Variants in KCNQ1 observed in about 807,000 individuals in gnomAD.
The protein encoded by KCNQ1 is potassium voltage-gated channel subfamily Q member 1, also known as potassium voltage-gated channel subfamily KQT member 1.
Under a neutral mutation model 72.4 loss-of-function variants are expected in KCNQ1, and 49 were observed. That is an observed-to-expected ratio of 0.68 (90% CI 0.54 to 0.86). The LOEUF is 0.86. KCNQ1 is among the 40% of genes least tolerant of loss of function. The probability of loss-of-function intolerance (pLI) is 0.00; values close to 1 mark genes in which losing one functional copy is unlikely to be tolerated. For missense variants in KCNQ1, 790 were observed against 945.1 expected (o/e 0.84, Z 2.15); for synonymous variants, 450 against 412.6 (o/e 1.09, Z -1.10).
rs546420745 is a variant in KCNQ1 at position 2,626,519 on chromosome 11, C to T, written c.1394-35442C>T. ...CACATAGTTTTGATTACTGTAGCTTCGTAATAAGTTGGGGTTTTTGTTTGT... is the reference window on the plus strand; with the variant it reads ...CACATAGTTTTGATTACTGTAGCTTTGTAATAAGTTGGGGTTTTTGTTTGT... On this transcript the variant is annotated intron_variant, in intron 10 of 15. Coordinates refer to ENST00000155840, the MANE Select transcript of KCNQ1 (RefSeq NM_000218.3). The surrounding 1 kb of genome is among the most constrained non-coding windows in gnomAD (Gnocchi z 4.0). 1.3e-5 allele frequency: 5 copies of T among 398,504 alleles called. No homozygotes were observed. Among genetic ancestry groups the T allele is most frequent in the Admixed American group, 4.4e-5 (1 of 22,722 alleles). 24.7% of individuals were successfully genotyped at this position (398,504 alleles called of 1,614,324 possible). A position where few individuals can be genotyped will look rare whatever the true frequency, so the allele number is the denominator to read the frequency against.
intron 3 of KCNQ1, 60 bp from the exon 4 acceptor site, chr11:2,571,265 C>G: frequency 7.1e-7 from 1 of 1,404,998 alleles, no homozygotes; most frequent in Non-Finnish European, 1.0e-6. Flanking sequence ...GGTGTATGCT[C>G]TTCCCTGGGG....
chr11:2,668,700 ACT>A lies in KCNQ1; in HGVS notation c.1514+6625_1514+6626del, dbSNP rs1212617926. On this transcript the variant is annotated intron_variant, in intron 11 of 15. Coordinates refer to ENST00000155840, the MANE Select transcript of KCNQ1 (RefSeq NM_000218.3). This position sits in a 1 kb window ranked among gnomAD's most constrained non-coding sequence, Gnocchi z 4.3. ...CAGAGAGAGAGATACACACACTCAC[ACT>A]CTCTCACAGACACACACATTGCAAA... 13 of 398,368 alleles carry A rather than the reference ACT, an allele frequency of 3.3e-5. No homozygotes were observed. Among genetic ancestry groups the A allele is most frequent in the African/African-American group, 2.1e-4 (10 of 48,662 alleles). 24.7% of individuals were successfully genotyped at this position (398,368 alleles called of 1,614,324 possible). A position where few individuals can be genotyped will look rare whatever the true frequency, so the allele number is the denominator to read the frequency against.
intron 2 of KCNQ1, among the ~76,000 whole-genome samples, chr11:2,569,794 G>T (rs549650855): frequency 6.6e-6 from 1 of 152,358 alleles, no homozygotes; most frequent in African/African-American, 2.4e-5. Context: ...AGCCCACTGA[G>T]CCTGGCCCTG....
At position 2,620,246 on chromosome 11, in the gene KCNQ1, C is replaced by T. The variant is rs1052742458; in HGVS notation, c.1393+31392C>T. The T allele has an allele frequency of 5.6e-5, 13 of 232,456 alleles. No individual in the cohort carries two copies. The highest frequency in any genetic ancestry group is 1.0e-4 in the Non-Finnish European group (13 of 126,272). The allele number at this position is 232,456 out of a possible 1,614,324, so 14.4% of individuals were successfully genotyped here. A position where few individuals can be genotyped will look rare whatever the true frequency, so the allele number is the denominator to read the frequency against. On this transcript the variant is annotated intron_variant, in intron 10 of 15. Coordinates refer to ENST00000155840, the MANE Select transcript of KCNQ1 (RefSeq NM_000218.3). The surrounding 1 kb of genome is among the most constrained non-coding windows in gnomAD (Gnocchi z 4.5). The stretch of plus-strand genomic sequence containing the variant: ...TTTATTTTTTTTTTAGACGGAGTTT[C>T]GCTCTTGTTGCCCAGGCTGGAGGGC...
Position 2,766,938 on chromosome 11 carries a change from G to C in KCNQ1, c.1515-1906G>C, listed in dbSNP as rs1410319090. 6.6e-6 allele frequency among the ~76,000 whole-genome samples: 1 copy of C among 152,112 alleles called. No individual in the cohort carries two copies. The highest frequency in any genetic ancestry group is 6.5e-5 in the Admixed American group (1 of 15,280). ...TCATGCCTGTAATCCCAGCACTTTT[G>C]GAGGCCAAGGCGGACAGATCATGAG... On this transcript the variant is annotated intron_variant, in intron 11 of 15. Coordinates refer to ENST00000155840, the MANE Select transcript of KCNQ1 (RefSeq NM_000218.3). This position sits in a 1 kb window ranked among gnomAD's most constrained non-coding sequence, Gnocchi z 4.4.
intron 10 of KCNQ1, chr11:2,619,328 C>T (rs895506433): frequency 1.8e-4 from 70 of 398,224 alleles, no homozygotes; most frequent in African/African-American, 7.6e-4. Context: ...AAATGGCATT[C>T]GTTATATTGA....
intron 15 of KCNQ1, among the ~76,000 whole-genome samples, chr11:2,807,046 GCT>G (rs1252648762): frequency 1.3e-5 from 2 of 152,230 alleles, no homozygotes; most frequent in African/African-American, 4.8e-5. Flanking sequence ...GGGAGTCTCG[GCT>G]CTTTCGGAAG....
At position 2,755,829 on chromosome 11, in the gene KCNQ1, A is replaced by G. The variant is rs538257330; in HGVS notation, c.1515-13015A>G. Among the ~76,000 whole-genome samples the G allele has an allele frequency of 8.5e-5, 13 of 152,376 alleles. 1 individual carries two copies. In the South Asian group the frequency reaches 2.7e-3, roughly 32 times the overall value. ...ATAATGTATTTATATATGTGTGTGT[A>G]TAACCAATAAAATCACTAATAGAAA... On this transcript the variant is annotated intron_variant, in intron 11 of 15. Coordinates refer to ENST00000155840, the MANE Select transcript of KCNQ1 (RefSeq NM_000218.3).
rs1848797805 is a variant in KCNQ1, at chr11:2,600,967, G to A, written c.1393+12113G>A. Among the ~76,000 whole-genome samples, 1 of 151,784 alleles carries A rather than the reference G, an allele frequency of 6.6e-6. No individual in the cohort carries two copies. Among genetic ancestry groups the A allele is most frequent in the Non-Finnish European group, 1.5e-5 (1 of 68,006 alleles). On this transcript the variant is annotated intron_variant, in intron 10 of 15. Transcript: ENST00000155840. This position sits in a 1 kb window ranked among gnomAD's most constrained non-coding sequence, Gnocchi z 5.6. ...TGCCCCTTATTAACGATGTTATTTT[G>A]ATCACCAAATTGAGGCCGTTATCCA...
At position 2,579,714 on chromosome 11, in the gene KCNQ1, G is replaced by A. The variant is rs1848471481; in HGVS notation, c.922-3721G>A. On this transcript the variant is annotated intron_variant, in intron 6 of 15. Transcript: ENST00000155840. This position sits in a 1 kb window ranked among gnomAD's most constrained non-coding sequence, Gnocchi z 6.0. ...CTCCACGGTGGGCAGACACCCAGGG[G>A]CACTTCTGGGGCTGGCCTTTCTCTC... Among the ~76,000 whole-genome samples, 1 of 152,028 alleles carries A rather than the reference G, an allele frequency of 6.6e-6. No homozygotes were observed. Among genetic ancestry groups the A allele is most frequent in the Non-Finnish European group, 1.5e-5 (1 of 67,978 alleles).
In KCNQ1 at chr11:2,678,795, G is replaced by T. The variant is rs1051876137; in HGVS notation, c.1514+16714G>T. 14 of 398,496 alleles carry T rather than the reference G, an allele frequency of 3.5e-5. No homozygotes were observed. The highest frequency in any genetic ancestry group is 6.2e-5 in the Non-Finnish European group (14 of 226,082). The allele number at this position is 398,496 out of a possible 1,614,324, so 24.7% of individuals were successfully genotyped here. A position where few individuals can be genotyped will look rare whatever the true frequency, so the allele number is the denominator to read the frequency against. ...CATCGTGGCAGCTAATAATGTCAGG[G>T]AGCATGAGCACTTGTTTCTTCCAAG... On this transcript the variant is annotated intron_variant, in intron 11 of 15. Coordinates refer to ENST00000155840, the MANE Select transcript of KCNQ1 (RefSeq NM_000218.3). The surrounding 1 kb of genome is among the most constrained non-coding windows in gnomAD (Gnocchi z 4.9).
intron 10 of KCNQ1, chr11:2,638,560 GTTTCCCTTTGTGGGTAACC>G (rs1849517729): frequency 6.6e-6 from 1 of 152,168 alleles, no homozygotes; most frequent in South Asian, 2.1e-4. Context: ...AGTCTGATGG[GTTTCCCTTTGTGGGTAACC>G]CAACCTTTCT....
chr11:2,769,033 GC>G lies in KCNQ1; in HGVS notation c.1590+119del. ...CATAGTGGAGGGTGTCAAGGCCTCC[GC>G]CCCCAAGCCACACAGGCAGGCCTAT... On this transcript the variant is annotated intron_variant, in intron 12 of 15. Transcript: ENST00000155840. The surrounding 1 kb of genome is among the most constrained non-coding windows in gnomAD (Gnocchi z 4.6). 1 of 883,796 alleles carries G rather than the reference GC, an allele frequency of 1.1e-6. No homozygotes were observed. The allele number at this position is 883,796 out of a possible 1,614,324, so 54.7% of individuals were successfully genotyped here. A position where few individuals can be genotyped will look rare whatever the true frequency, so the allele number is the denominator to read the frequency against.
At chr11:2,504,788 T>C (rs989181247) in intron 1 of KCNQ1, among the ~76,000 whole-genome samples, 2 of 152,138 alleles carry the variant, frequency 1.3e-5, no homozygotes, top group African/African-American at 4.8e-5. Context: ...ATAATGAGGT[T>C]GTTTGTAAGA....
Position 2,683,906 on chromosome 11 carries a change from G to C in KCNQ1, c.1514+21825G>C, listed in dbSNP as rs117916938. The C allele has an allele frequency of 2.5e-6, 1 of 396,916 alleles. No individual in the cohort carries two copies. Among genetic ancestry groups the C allele is most frequent in the Non-Finnish European group, 4.4e-6 (1 of 225,926 alleles). The allele number at this position is 396,916 out of a possible 1,614,324, so 24.6% of individuals were successfully genotyped here. A position where few individuals can be genotyped will look rare whatever the true frequency, so the allele number is the denominator to read the frequency against. The stretch of plus-strand genomic sequence containing the variant: ...TCATAAATGCAAAAGATGGCCAAAG[G>C]TGCATGCTCTGTGACACGTTTCATA... On this transcript the variant is annotated intron_variant, in intron 11 of 15. Coordinates refer to ENST00000155840, the MANE Select transcript of KCNQ1 (RefSeq NM_000218.3). The surrounding 1 kb of genome is among the most constrained non-coding windows in gnomAD (Gnocchi z 4.7).
At chr11:2,706,089 G>A (rs1161264765) in intron 11 of KCNQ1, among the ~76,000 whole-genome samples, 2 of 152,232 alleles carry the variant, frequency 1.3e-5, no homozygotes, top group African/African-American at 4.8e-5. Flanking sequence ...GGTACCGTGT[G>A]GCTGTGGTGG....
intron 10 of KCNQ1, among the ~76,000 whole-genome samples, chr11:2,607,720 T>C (rs887302404): frequency 2.0e-5 from 3 of 152,366 alleles, no homozygotes; most frequent in Middle Eastern, 3.4e-3. Flanking sequence ...GAAATCGTGG[T>C]GTTTTGTCTT....
At position 2,750,080 on chromosome 11, in the gene KCNQ1, C is replaced by A. The variant is rs1220753069; in HGVS notation, c.1515-18764C>A. Among the ~76,000 whole-genome samples the A allele has an allele frequency of 6.6e-6, 1 of 152,110 alleles. No individual in the cohort carries two copies. The highest frequency in any genetic ancestry group is 2.4e-5 in the African/African-American group (1 of 41,402). ...ACAGCCAAGAGGCCAGGAAGCGGAG[C>A]CTGGGTGCAGGGGCATCTTGCTGGT... On this transcript the variant is annotated intron_variant, in intron 11 of 15. Coordinates refer to ENST00000155840, the MANE Select transcript of KCNQ1 (RefSeq NM_000218.3). This position sits in a 1 kb window ranked among gnomAD's most constrained non-coding sequence, Gnocchi z 6.3.
chr11:2,471,400 G>A lies in KCNQ1; in HGVS notation c.386+25916G>A, dbSNP rs1302703942. 6.6e-6 allele frequency among the ~76,000 whole-genome samples: 1 copy of A among 152,110 alleles called. No homozygotes were observed. Among genetic ancestry groups the A allele is most frequent in the Admixed American group, 6.5e-5 (1 of 15,282 alleles). The stretch of plus-strand genomic sequence containing the variant: ...CCAAGTGTCCTTCACGCTCAGCAAC[G>A]CCACAGCCTCTGACACTCCACGGCA... On this transcript the variant is annotated intron_variant, in intron 1 of 15. Coordinates refer to ENST00000155840, the MANE Select transcript of KCNQ1 (RefSeq NM_000218.3). The surrounding 1 kb of genome is among the most constrained non-coding windows in gnomAD (Gnocchi z 4.8).
Sources: gnomAD v4.1 joint callset for allele counts (sites outside exome capture counted in the v4.1 genomes callset) on GRCh38, gnomAD v4.1.1 for gene constraint, Gnocchi (gnomAD v3.1) non-coding constraint, MANE v1.5 for transcripts, NCBI Gene and HGNC (gene_info 2026-07-23, HGNC 2026-07-21) for gene names.